The following TLK1 variants were observed in gnomAD, a reference collection of about 807,000 sequenced individuals.
The protein encoded by TLK1 is tousled like kinase 1.
Under a neutral mutation model 105.3 loss-of-function variants are expected in TLK1, and 24 were observed. The observed-to-expected ratio is 0.23, with a 90% confidence interval of 0.17 to 0.32. The LOEUF (loss-of-function observed/expected upper bound fraction) is 0.32, where lower values mean the gene tolerates loss of function less well. Ranked by LOEUF, TLK1 falls within the 10% of genes least tolerant of loss-of-function variation. The probability of loss-of-function intolerance (pLI) is 1.00; values close to 1 mark genes in which losing one functional copy is unlikely to be tolerated. For synonymous variants in TLK1, 321 were observed against 310.4 expected (o/e 1.03, Z -0.36); for missense variants, 558 against 910.5 (o/e 0.61, Z 4.98).
chr2:171,067,442 T>C (rs1386875289), intron 3 of TLK1, among the ~76,000 whole-genome samples: 6 of 152,106 alleles, frequency 3.9e-5, no homozygotes, highest in Non-Finnish European at 8.8e-5. Flanking sequence ...ACTACAGGCA[T>C]GAGCCACCAC....
At chr2:171,098,624 T>C (rs1053875954) in intron 2 of TLK1, among the ~76,000 whole-genome samples, 1 of 152,186 alleles carries the variant, frequency 6.6e-6, no homozygotes, top group Non-Finnish European at 1.5e-5. Context: ...CAACTCATTC[T>C]GGAAAAACAA....
intron 2 of TLK1, among the ~76,000 whole-genome samples, chr2:171,088,707 A>G (rs1689089349): frequency 6.6e-6 from 1 of 152,240 alleles, no homozygotes. Context: ...CAATGCCTTC[A>G]AAATTCTGAG....
intron 10 of TLK1, among the ~76,000 whole-genome samples, chr2:171,047,339 T>TA (rs201580646): frequency 7.1e-6 from 1 of 141,504 alleles, no homozygotes; most frequent in Non-Finnish European, 1.6e-5. Context: ...ACTATGCCAA[T>TA]AAAAAATTTT....
chr2:171,201,874 A>T (rs1335497030), intron 1 of TLK1, among the ~76,000 whole-genome samples: 1 of 152,116 alleles, frequency 6.6e-6, no homozygotes, highest in African/African-American at 2.4e-5. Context: ...CTATGAACTT[A>T]GCCTAAGACC....
chr2:171,072,929 G>A (rs200876075), intron 3 of TLK1, among the ~76,000 whole-genome samples: 52 of 123,510 alleles, frequency 4.2e-4, no homozygotes, highest in South Asian at 5.4e-4. Context: ...ACTCTGTCTC[G>A]AAAAAAAAAA....
At chr2:171,123,723 A>G (rs773974590) in intron 1 of TLK1, among the ~76,000 whole-genome samples, 1 of 152,200 alleles carries the variant, frequency 6.6e-6, no homozygotes, top group Non-Finnish European at 1.5e-5. Context: ...AGGTAGGAGA[A>G]GCGCTTGGGG....
intron 2 of TLK1, among the ~76,000 whole-genome samples, chr2:171,100,835 G>A (rs1275988512): frequency 6.6e-6 from 1 of 151,986 alleles, no homozygotes; most frequent in Non-Finnish European, 1.5e-5. Context: ...ATACCTAAAA[G>A]AACTAAAACA....
At chr2:171,121,927 C>A (rs963942798) in intron 1 of TLK1, among the ~76,000 whole-genome samples, 6 of 152,142 alleles carry the variant, frequency 3.9e-5, no homozygotes, top group African/African-American at 1.4e-4. Context: ...CTCCTTAATT[C>A]TTAACACCTT....
chr2:171,172,622 A>G (rs1176331897), intron 1 of TLK1, among the ~76,000 whole-genome samples: 2 of 151,988 alleles, frequency 1.3e-5, no homozygotes, highest in Non-Finnish European at 2.9e-5. Context: ...TGTGATAGTG[A>G]GTGGGTTCTC....
chr2:171,157,497 G>A (rs1458596867), intron 1 of TLK1, among the ~76,000 whole-genome samples: 1 of 152,172 alleles, frequency 6.6e-6, no homozygotes, highest in Non-Finnish European at 1.5e-5. Flanking sequence ...GAAAAGCTTT[G>A]GGACCCGAGG....
chr2:171,105,416 T>C (rs1689876041), intron 2 of TLK1, among the ~76,000 whole-genome samples: 1 of 152,266 alleles, frequency 6.6e-6, no homozygotes, highest in Non-Finnish European at 1.5e-5. Flanking sequence ...CTGGGCGCAG[T>C]GGCTCACGCC....
intron 1 of TLK1, among the ~76,000 whole-genome samples, chr2:171,149,093 ACTTTT>A (rs1265160301): frequency 1.3e-4 from 11 of 85,828 alleles, no homozygotes; most frequent in East Asian, 3.0e-4. Flanking sequence ...CCTTTGAATT[ACTTTT>A]CTTTTTTTTT....
At chr2:171,109,469 A>G (rs1040490840) in intron 2 of TLK1, among the ~76,000 whole-genome samples, 1 of 152,232 alleles carries the variant, frequency 6.6e-6, no homozygotes, top group African/African-American at 2.4e-5. Flanking sequence ...AAGAAACAAG[A>G]AAAGTTAAAA....
At chr2:171,000,093 C>T (rs184617951) in intron 18 of TLK1, among the ~76,000 whole-genome samples, 106 of 152,180 alleles carry the variant, frequency 7.0e-4, no homozygotes, top group Non-Finnish European at 1.1e-3. Flanking sequence ...AAGTTAATTA[C>T]TAGGCTGAGC....
chr2:171,185,355 C>T (rs1433340066), intron 1 of TLK1, among the ~76,000 whole-genome samples: 1 of 152,082 alleles, frequency 6.6e-6, no homozygotes, highest in Non-Finnish European at 1.5e-5. Context: ...CAGATTTCTA[C>T]CCTTTGAGTC....
intron 2 of TLK1, among the ~76,000 whole-genome samples, chr2:171,106,706 G>A (rs1689945032): frequency 6.6e-6 from 1 of 151,712 alleles, no homozygotes; most frequent in Non-Finnish European, 1.5e-5. Context: ...ACAAACTCTT[G>A]ATGCTACTAT....
At position 171,095,341 on chromosome 2, in the gene TLK1, A is replaced by G. The variant is rs146978150; in HGVS notation, c.259-12489T>C. 3.9e-5 allele frequency among the ~76,000 whole-genome samples: 6 copies of G among 152,248 alleles called. No individual in the cohort carries two copies. The East Asian group carries it at 1.2e-3, about 29-fold the overall frequency. ...AAAAAACAATGAAACCAAAAGTTGG[A>G]TCCTTGAAAACAAAATTGACAAATC... On this transcript the variant is annotated intron_variant, in intron 2 of 20. Coordinates refer to ENST00000431350, the MANE Select transcript of TLK1 (RefSeq NM_012290.5).
intron 1 of TLK1, among the ~76,000 whole-genome samples, chr2:171,170,215 AGGAT>A (rs1418684931): frequency 1.3e-5 from 2 of 152,244 alleles, no homozygotes; most frequent in African/African-American, 2.4e-5. Context: ...TACAAAGAAA[AGGAT>A]AGGTAAATAT....
At chr2:171,063,575 C>T (rs112028288) in intron 3 of TLK1, among the ~76,000 whole-genome samples, 15 of 152,178 alleles carry the variant, frequency 9.9e-5, no homozygotes, top group African/African-American at 3.4e-4. Context: ...AAAACCCATA[C>T]AAAATGTTAT....
Sources: gnomAD v4.1 joint callset for allele counts (sites outside exome capture counted in the v4.1 genomes callset) on GRCh38, gnomAD v4.1.1 for gene constraint, MANE v1.5 for transcripts, NCBI Gene and HGNC (gene_info 2026-07-23, HGNC 2026-07-21) for gene names.